WWOX: variants seen among roughly 807,000 people sequenced by gnomAD.
WWOX encodes WW domain containing oxidoreductase.
Under a neutral mutation model 46.2 loss-of-function variants are expected in WWOX, and 69 were observed. The ratio of observed to expected loss-of-function variants is 1.49; its 90% CI spans 1.23 to 1.82. The LOEUF is 1.82. Ranked by LOEUF, WWOX falls within the 40% of genes most tolerant of loss-of-function variation. The pLI, the probability that WWOX is intolerant of heterozygous loss-of-function variation, is 0.00. For synonymous variants in WWOX, 359 were observed against 202.6 expected (o/e 1.77, Z -6.56); for missense variants, 919 against 542.6 (o/e 1.69, Z -6.89).
intron 8 of WWOX, among the ~76,000 whole-genome samples, chr16:78,953,237 C>G (rs1272594160): frequency 6.6e-6 from 1 of 151,606 alleles, no homozygotes; most frequent in Non-Finnish European, 1.5e-5. Flanking sequence ...GCCAAAGATT[C>G]TCCTTGGTCT....
At chr16:78,264,918 T>C (rs72790046) in intron 5 of WWOX, 43,669 of 150,228 alleles carry the variant, frequency 0.29, 6,747 homozygotes, top group East Asian at 0.43. Flanking sequence ...TTTTTCTTTT[T>C]CTCCTTTCCT....
intron 8 of WWOX, among the ~76,000 whole-genome samples, chr16:78,477,837 A>G (rs1037265397): frequency 1.3e-5 from 2 of 152,202 alleles, no homozygotes; most frequent in African/African-American, 2.4e-5. Flanking sequence ...AAAAAATCTG[A>G]TTCTTTTACT....
rs2051792766 is a variant in WWOX at position 79,212,315 on chromosome 16, C to T, written c.*519C>T. 1.2e-6 allele frequency: 1 copy of T among 844,502 alleles called. No individual in the cohort carries two copies. Among genetic ancestry groups the T allele is most frequent in the Admixed American group, 3.0e-5 (1 of 33,630 alleles). 52.3% of individuals were successfully genotyped at this position (844,502 alleles called of 1,614,324 possible). The stretch of plus-strand genomic sequence containing the variant: ...CTTAGCAACTGCTGGGGAGACAAAT[C>T]TCAGAACCTTGTCCCAGCCAGTGAG... On this transcript the variant is annotated 3_prime_UTR_variant, in exon 9 of 9. Transcript: ENST00000566780.
chr16:78,671,389 C>T (rs770467578), intron 8 of WWOX, among the ~76,000 whole-genome samples: 49 of 152,164 alleles, frequency 3.2e-4, no homozygotes, highest in Non-Finnish European at 6.9e-4. Flanking sequence ...TGTGCCACTG[C>T]ACTCCGGCCT....
At chr16:78,842,876 A>T (rs367569377) in intron 8 of WWOX, among the ~76,000 whole-genome samples, 33 of 149,964 alleles carry the variant, frequency 2.2e-4, no homozygotes, top group African/African-American at 7.5e-4. Flanking sequence ...AATAGAATAC[A>T]AGGGGGGATA....
chr16:78,366,772 G>T (rs904576051), intron 5 of WWOX, among the ~76,000 whole-genome samples: 1 of 152,204 alleles, frequency 6.6e-6, no homozygotes. Flanking sequence ...TAGAGGATTC[G>T]TGGTCATTTG....
At chr16:78,177,317 G>T (rs939116329) in intron 5 of WWOX, among the ~76,000 whole-genome samples, 5 of 152,178 alleles carry the variant, frequency 3.3e-5, no homozygotes, top group Admixed American at 1.3e-4. Context: ...TTACGTGCTA[G>T]GTGGTAGAGT....
At chr16:78,893,758 G>T (rs931070722) in intron 8 of WWOX, among the ~76,000 whole-genome samples, 2 of 151,978 alleles carry the variant, frequency 1.3e-5, no homozygotes, top group African/African-American at 2.4e-5. Flanking sequence ...CATACATTAC[G>T]TGCCTTTCTC....
chr16:78,450,896 A>G (rs2083675454), intron 8 of WWOX, among the ~76,000 whole-genome samples: 1 of 152,198 alleles, frequency 6.6e-6, no homozygotes, highest in Non-Finnish European at 1.5e-5. Context: ...TATACCCAAT[A>G]ATGAAAACAA....
chr16:78,930,821 A>G (rs572917171), intron 8 of WWOX, among the ~76,000 whole-genome samples: 27 of 152,152 alleles, frequency 1.8e-4, no homozygotes, highest in African/African-American at 6.3e-4. Context: ...CCCGCTGTTC[A>G]TAGGTCAGTC....
At chr16:78,771,787 A>T (rs561077759) in intron 8 of WWOX, among the ~76,000 whole-genome samples, 42 of 150,818 alleles carry the variant, frequency 2.8e-4, no homozygotes, top group African/African-American at 9.9e-4. Context: ...AAATAAATAA[A>T]TAAATAAATA....
At chr16:78,670,163 A>G (rs1401029151) in intron 8 of WWOX, among the ~76,000 whole-genome samples, 1 of 152,012 alleles carries the variant, frequency 6.6e-6, no homozygotes, top group Non-Finnish European at 1.5e-5. Flanking sequence ...TTCACCCCTT[A>G]TTCTCTGGTT....
intron 8 of WWOX, among the ~76,000 whole-genome samples, chr16:78,533,842 A>G (rs1475128202): frequency 6.6e-6 from 1 of 152,114 alleles, no homozygotes; most frequent in Non-Finnish European, 1.5e-5. Context: ...ATACTTGCTC[A>G]TTGTTTGTTT....
intron 8 of WWOX, among the ~76,000 whole-genome samples, chr16:78,978,017 C>T (rs934343432): frequency 4.6e-5 from 7 of 152,184 alleles, no homozygotes; most frequent in African/African-American, 1.7e-4. Context: ...CAATAAAAGT[C>T]TGTACCAATT....
intron 8 of WWOX, among the ~76,000 whole-genome samples, chr16:78,481,764 T>TGTGTGCGC (rs149940474): frequency 6.6e-4 from 98 of 147,928 alleles, no homozygotes; most frequent in African/African-American, 1.5e-3. Context: ...TGTGTGTGTG[T>TGTGTGCGC]GCGCGCGCCT....
At chr16:78,736,241 G>T (rs961218552) in intron 8 of WWOX, among the ~76,000 whole-genome samples, 6 of 152,156 alleles carry the variant, frequency 3.9e-5, no homozygotes, top group African/African-American at 1.4e-4. Flanking sequence ...CCCGCTTGAG[G>T]CCAGAAGGCC....
At position 78,617,108 on chromosome 16, in the gene WWOX, G is replaced by C. The variant is rs116987413; in HGVS notation, c.1056+184356G>C. Reference sequence around the variant, plus strand: ...TTCAACCCTCCACATCAACTGGTCAGTTTAGTCTTTAAAAGGTGATAGGCC... The same window carrying C: ...TTCAACCCTCCACATCAACTGGTCACTTTAGTCTTTAAAAGGTGATAGGCC... On this transcript the variant is annotated intron_variant, in intron 8 of 8. Transcript: ENST00000566780. 5.3e-4 allele frequency among the ~76,000 whole-genome samples: 81 copies of C among 152,212 alleles called. 1 individual carries two copies. The East Asian group carries it at 0.015, about 27-fold the overall frequency.
At chr16:78,960,605 C>A (rs562157050) in intron 8 of WWOX, among the ~76,000 whole-genome samples, 5 of 152,274 alleles carry the variant, frequency 3.3e-5, no homozygotes, top group Admixed American at 1.3e-4. Context: ...ATCCATTGGT[C>A]AGAAATAAGG....
intron 4 of WWOX, among the ~76,000 whole-genome samples, chr16:78,128,054 A>G (rs1212221417): frequency 2.0e-5 from 3 of 152,212 alleles, no homozygotes; most frequent in Non-Finnish European, 4.4e-5. Flanking sequence ...GTATGAATAT[A>G]AGGTTGCTGG....
Sources: gnomAD v4.1 joint callset for allele counts (sites outside exome capture counted in the v4.1 genomes callset) on GRCh38, gnomAD v4.1.1 for gene constraint, MANE v1.5 for transcripts, NCBI Gene and HGNC (gene_info 2026-07-23, HGNC 2026-07-21) for gene names.